Variants in PDE1C observed in about 807,000 individuals in gnomAD.
PDE1C encodes the protein dual specificity calcium/calmodulin-dependent 3',5'-cyclic nucleotide phosphodiesterase 1C.
A neutral mutation model predicts 93.1 loss-of-function variants in PDE1C; 62 were observed. That is an observed-to-expected ratio of 0.67 (90% CI 0.54 to 0.82). The LOEUF (loss-of-function observed/expected upper bound fraction) is 0.82. Among genes scored for constraint, PDE1C ranks in the 40% least tolerant of loss-of-function variants. The pLI, the probability that PDE1C is intolerant of heterozygous loss-of-function variation, is 0.00. For synonymous variants in PDE1C, 325 were observed against 310.1 expected, an observed-to-expected ratio of 1.05 and a Z score of -0.50; for missense variants, 742 against 884.6, an observed-to-expected ratio of 0.84 and a Z score of 2.04.
intron 3 of PDE1C, among the ~76,000 whole-genome samples, chr7:32,101,394 C>T (rs928323192): frequency 7.2e-5 from 11 of 152,044 alleles, no homozygotes; most frequent in African/African-American, 2.7e-4. Context: ...AAGTTTTGTT[C>T]CCTCCAAATC....
rs192265586 is a variant in PDE1C, at chr7:32,268,040, A to G, written c.85+30611T>C. 1.7e-3 allele frequency among the ~76,000 whole-genome samples: 254 copies of G among 152,334 alleles called. 2 individuals are homozygous for G. Among genetic ancestry groups the G allele is most frequent in the African/African-American group, 5.7e-3 (239 of 41,584 alleles). On this transcript the variant is annotated intron_variant, in intron 1 of 18. Coordinates refer to the PDE1C transcript ENST00000396193. Reference sequence around the variant, plus strand: ...GCTAACAGGATCAGCCACTAGGTGCAGTGGTCATAGGGCAACGTCGGGGGT... The same window carrying G: ...GCTAACAGGATCAGCCACTAGGTGCGGTGGTCATAGGGCAACGTCGGGGGT...
At chr7:32,074,148 G>C (rs1796222254), upstream of PDE1C, among the ~76,000 whole-genome samples, 1 of 152,098 alleles carries the variant, frequency 6.6e-6, no homozygotes, top group African/African-American at 2.4e-5. Flanking sequence ...TCAGAATTAA[G>C]TATCACAAAA....
intron 17 of PDE1C, among the ~76,000 whole-genome samples, chr7:31,757,676 T>C (rs980388757): frequency 1.4e-4 from 22 of 152,308 alleles, no homozygotes; most frequent in Non-Finnish European, 3.1e-4. Flanking sequence ...TGGAGAAATA[T>C]GAACAATTTT....
chr7:31,658,969 AATGCTTTCTTCATTCCC>A, the PDE1C span, among the ~76,000 whole-genome samples: 1 of 152,182 alleles, frequency 6.6e-6, no homozygotes, highest in Non-Finnish European at 1.5e-5. Flanking sequence ...TAAATGTACC[AATGCTTTCTTCATTCCC>A]ATGATCATCT....
At chr7:31,748,379 T>C (rs778168264), downstream of PDE1C, among the ~76,000 whole-genome samples, 36 of 152,340 alleles carry the variant, frequency 2.4e-4, no homozygotes, top group Non-Finnish European at 4.1e-4. Flanking sequence ...GACTGATATC[T>C]AGACGAGATG....
At chr7:31,744,865 A>G in the PDE1C span, among the ~76,000 whole-genome samples, 2 of 152,240 alleles carry the variant, frequency 1.3e-5, no homozygotes, top group African/African-American at 4.8e-5. Context: ...AGAAAGGTTC[A>G]GACAAATTGC....
intron 2 of PDE1C, among the ~76,000 whole-genome samples, chr7:31,907,909 A>G: frequency 6.6e-6 from 1 of 152,178 alleles, no homozygotes; most frequent in East Asian, 1.9e-4. Context: ...ATGCCACCAA[A>G]TAACTAAGGT....
chr7:31,621,522 G>A, the PDE1C span, among the ~76,000 whole-genome samples: 1 of 146,106 alleles, frequency 6.8e-6, no homozygotes, highest in Non-Finnish European at 1.5e-5. Flanking sequence ...CATAAGTGAA[G>A]GAGAAATAAA....
the PDE1C span, among the ~76,000 whole-genome samples, chr7:31,745,523 G>C: frequency 2.6e-5 from 4 of 152,232 alleles, no homozygotes; most frequent in African/African-American, 9.6e-5. Context: ...AAATGAGCAT[G>C]ATGAGGAGTA....
rs574317282 is a variant in PDE1C, at chr7:32,391,448, A to G, written c.310+36374T>C. On this transcript the variant is annotated intron_variant, in intron 1 of 1. Transcript: ENST00000672256. ...CTGAATAATGAATAAACAGCTAGAC[A>G]GAAAAGTCAGCAAGAGTATAGAGAA... Among the ~76,000 whole-genome samples the G allele has an allele frequency of 5.3e-5, 8 of 152,348 alleles. No homozygotes were observed. The East Asian group carries it at 1.5e-3, about 29-fold the overall frequency.
At chr7:32,329,458 C>A (rs557105846) in intron 1 of PDE1C, among the ~76,000 whole-genome samples, 12 of 152,148 alleles carry the variant, frequency 7.9e-5, no homozygotes, top group Admixed American at 7.2e-4. Context: ...AGCTTTTAAT[C>A]CAGTGCAGGT....
chr7:32,282,986 G>T (rs1346418058), intron 1 of PDE1C, among the ~76,000 whole-genome samples: 1 of 152,170 alleles, frequency 6.6e-6, no homozygotes, highest in Non-Finnish European at 1.5e-5. Flanking sequence ...TTGCAAACTG[G>T]TAAGACATTG....
At chr7:32,183,715 C>A (rs1455097816) in intron 2 of PDE1C, among the ~76,000 whole-genome samples, 2 of 152,182 alleles carry the variant, frequency 1.3e-5, no homozygotes, top group Admixed American at 6.5e-5. Flanking sequence ...AAAACCTAGG[C>A]AATACCATTG....
intron 3 of PDE1C, among the ~76,000 whole-genome samples, chr7:32,147,311 AG>A (rs1257244474): frequency 1.4e-5 from 2 of 146,694 alleles, no homozygotes; most frequent in East Asian, 1.9e-4. Flanking sequence ...AAAGAAAGAA[AG>A]AAAGAAAGAA....
intron 14 of PDE1C, among the ~76,000 whole-genome samples, chr7:31,818,366 T>A (rs1308439276): frequency 2.0e-5 from 3 of 152,176 alleles, no homozygotes; most frequent in Admixed American, 2.0e-4. Context: ...CACTCAGGCT[T>A]TATCTCTTCC....
intron 1 of PDE1C, among the ~76,000 whole-genome samples, chr7:32,245,991 A>T (rs552041430): frequency 7.7e-6 from 1 of 129,890 alleles, no homozygotes; most frequent in East Asian, 2.2e-4. Context: ...TTTTTTTGAG[A>T]CAGAGTCTTG....
rs147474434 is a variant in PDE1C, at chr7:32,333,336, C to T, written c.310+94486G>A. Among the ~76,000 whole-genome samples, 465 of 152,270 alleles carry T rather than the reference C, an allele frequency of 3.1e-3. 3 individuals carry two copies. The highest frequency in any genetic ancestry group is 5.0e-3 in the Non-Finnish European group (340 of 68,020). ...TTAAAGGTTTGCAAAGGCATCGTCA[C>T]GTCCCTTTCAATGTAGTGTTTTAAA... On this transcript the variant is annotated intron_variant, in intron 1 of 1. Transcript: ENST00000672256.
chr7:31,753,253 G>A lies in PDE1C; in HGVS notation c.*131C>T, dbSNP rs192440123. On this transcript the variant is annotated 3_prime_UTR_variant, in exon 18 of 18. Coordinates refer to ENST00000396191, the MANE Select transcript of PDE1C (RefSeq NM_001191057.4). Reference sequence around the variant, plus strand: ...CACATACAACTTTCATTTCACCTTGGTGGAGTCAACCAGGATAGTACCTGC... The same window carrying A: ...CACATACAACTTTCATTTCACCTTGATGGAGTCAACCAGGATAGTACCTGC... The A allele has an allele frequency of 3.9e-5, 43 of 1,103,468 alleles. 1 individual carries two copies. The African/African-American group carries it at 4.7e-4, about 12-fold the overall frequency. The allele number at this position is 1,103,468 out of a possible 1,614,324, so 68.4% of individuals were successfully genotyped here.
intron 2 of PDE1C, among the ~76,000 whole-genome samples, chr7:31,948,671 G>C (rs1214097099): frequency 6.6e-6 from 1 of 152,108 alleles, no homozygotes; most frequent in Non-Finnish European, 1.5e-5. Context: ...GGAGATGGGA[G>C]TTGTTTTCTA....
Sources: gnomAD v4.1 joint callset for allele counts (sites outside exome capture counted in the v4.1 genomes callset) on GRCh38, gnomAD v4.1.1 for gene constraint, MANE v1.5 for transcripts, NCBI Gene and HGNC (gene_info 2026-07-23, HGNC 2026-07-21) for gene names.